The following PCDH7 variants were observed in gnomAD, a reference collection of about 807,000 sequenced individuals.
PCDH7 encodes protocadherin 7.
PCDH7 carries 17 observed loss-of-function variants against 58.9 expected under a neutral mutation model. The ratio of observed to expected loss-of-function variants is 0.29; its 90% CI spans 0.20 to 0.43. PCDH7 has a LOEUF of 0.43. Among genes scored for constraint, PCDH7 ranks in the 20% least tolerant of loss-of-function variants. The pLI, the probability that PCDH7 is intolerant of heterozygous loss-of-function variation, is 1.00. For synonymous variants in PCDH7, 664 were observed against 616.4 expected, an observed-to-expected ratio of 1.08 and a Z score of -1.14; for missense variants, 1,274 against 1,441.0, an observed-to-expected ratio of 0.88 and a Z score of 1.88.
At chr4:31,136,750 A>T (rs1029359282) in intron 3 of PCDH7, among the ~76,000 whole-genome samples, 1 of 152,130 alleles carries the variant, frequency 6.6e-6, no homozygotes, top group Non-Finnish European at 1.5e-5. Flanking sequence ...GTCTTCCTAA[A>T]TTCCCCAAAC....
chr4:30,955,304 T>C (rs1272239301), intron 3 of PCDH7, among the ~76,000 whole-genome samples: 1 of 151,830 alleles, frequency 6.6e-6, no homozygotes, highest in Non-Finnish European at 1.5e-5. Context: ...TAGCAGCAGA[T>C]TGAAAGCCAA....
At chr4:31,074,906 A>G (rs1295696364) in intron 3 of PCDH7, among the ~76,000 whole-genome samples, 1 of 151,858 alleles carries the variant, frequency 6.6e-6, no homozygotes, top group African/African-American at 2.4e-5. Context: ...ATTAATAGGA[A>G]TTAGGAGGAA....
chr4:30,880,285 G>GA (rs71651563), intron 1 of PCDH7, among the ~76,000 whole-genome samples: 2,715 of 119,870 alleles, frequency 0.023, 57 homozygotes, highest in African/African-American at 0.07. Flanking sequence ...AGCTACAAAA[G>GA]AAAAAAAAAA....
At chr4:30,896,226 A>C (rs1268591199) in intron 1 of PCDH7, among the ~76,000 whole-genome samples, 2 of 152,222 alleles carry the variant, frequency 1.3e-5, no homozygotes, top group East Asian at 3.9e-4. Flanking sequence ...TTTATAATTT[A>C]GTTACATAGA....
chr4:30,971,096 T>TA (rs760638567), intron 3 of PCDH7, among the ~76,000 whole-genome samples: 1 of 152,182 alleles, frequency 6.6e-6, no homozygotes, highest in Non-Finnish European at 1.5e-5. Flanking sequence ...TTCAAAAGAA[T>TA]TTCCTTGCCA....
intron 3 of PCDH7, among the ~76,000 whole-genome samples, chr4:31,038,426 G>A (rs1384930609): frequency 6.6e-6 from 1 of 151,884 alleles, no homozygotes; most frequent in Non-Finnish European, 1.5e-5. Context: ...TCCTTAGAAG[G>A]GTAAACTTAA....
chr4:31,110,361 A>G (rs1450957762), intron 3 of PCDH7, among the ~76,000 whole-genome samples: 4 of 152,206 alleles, frequency 2.6e-5, no homozygotes, highest in Non-Finnish European at 5.9e-5. Flanking sequence ...CAAGTTTTAA[A>G]TTGTGTTCAT....
chr4:30,832,766 A>C (rs898959126), intron 1 of PCDH7, among the ~76,000 whole-genome samples: 4 of 152,192 alleles, frequency 2.6e-5, no homozygotes, highest in Non-Finnish European at 4.4e-5. Flanking sequence ...GCAGATATGA[A>C]TGAGGACACA....
chr4:30,939,482 A>G (rs1745765429), intron 2 of PCDH7, among the ~76,000 whole-genome samples: 1 of 152,166 alleles, frequency 6.6e-6, no homozygotes, highest in African/African-American at 2.4e-5. Context: ...AGACTCCAGC[A>G]TAGTTACTTT....
At chr4:30,835,972 C>G (rs1227644452) in intron 1 of PCDH7, among the ~76,000 whole-genome samples, 1 of 152,120 alleles carries the variant, frequency 6.6e-6, no homozygotes, top group South Asian at 2.1e-4. Flanking sequence ...ATTTTAATCC[C>G]TACTTTACTA....
Position 30,926,224 on chromosome 4 carries a change from AC to A in PCDH7, c.287+5858del, listed in dbSNP as rs1743852551. Among the ~76,000 whole-genome samples the A allele has an allele frequency of 2.0e-5, 3 of 150,672 alleles. No individual in the cohort carries two copies. The South Asian group carries it at 6.4e-4, about 32-fold the overall frequency. On this transcript the variant is annotated intron_variant, in intron 2 of 3. Transcript: ENST00000509759. Reference sequence around the variant, plus strand: ...TTTTGAGATGGAGTCTCACTCTGCCACCCAGGCTGGAGTGCAGTGGCACAAT... The same window carrying A: ...TTTTGAGATGGAGTCTCACTCTGCCACCAGGCTGGAGTGCAGTGGCACAAT...
intron 3 of PCDH7, among the ~76,000 whole-genome samples, chr4:30,989,042 A>G (rs1751229940): frequency 1.3e-5 from 2 of 152,202 alleles, no homozygotes; most frequent in Admixed American, 1.3e-4. Flanking sequence ...TATTTGTTGT[A>G]GATGATTTAG....
At chr4:30,953,300 C>T (rs1747542222) in intron 3 of PCDH7, among the ~76,000 whole-genome samples, 2 of 152,046 alleles carry the variant, frequency 1.3e-5, no homozygotes, top group Non-Finnish European at 2.9e-5. Flanking sequence ...GAAAGTATTT[C>T]TAGACTTAAA....
intron 2 of PCDH7, among the ~76,000 whole-genome samples, chr4:30,949,259 A>AT (rs1190163348): frequency 1.3e-5 from 2 of 152,150 alleles, no homozygotes; most frequent in East Asian, 1.9e-4. Flanking sequence ...TAAGAGAAAC[A>AT]TTTTTTATAT....
intron 3 of PCDH7, among the ~76,000 whole-genome samples, chr4:30,966,294 T>G (rs906721757): frequency 1.3e-5 from 2 of 152,202 alleles, no homozygotes; most frequent in Non-Finnish European, 2.9e-5. Flanking sequence ...TCACACATGC[T>G]TAAATGTCTC....
intron 1 of PCDH7, among the ~76,000 whole-genome samples, chr4:30,874,829 G>C (rs1044397205): frequency 7.9e-5 from 12 of 151,494 alleles, no homozygotes; most frequent in African/African-American, 2.9e-4. Context: ...AACTACCTCT[G>C]TCTCATTAAA....
chr4:31,021,187 A>T (rs747975349), intron 3 of PCDH7, among the ~76,000 whole-genome samples: 2 of 152,194 alleles, frequency 1.3e-5, no homozygotes, highest in Non-Finnish European at 2.9e-5. Flanking sequence ...AAGGGTCTCC[A>T]ATGGCACTAG....
At chr4:30,837,113 T>C (rs992051241) in intron 1 of PCDH7, among the ~76,000 whole-genome samples, 2 of 152,104 alleles carry the variant, frequency 1.3e-5, no homozygotes, top group Admixed American at 6.6e-5. Flanking sequence ...TTTAATTTTT[T>C]TTTTACATTG....
chr4:30,859,525 C>T (rs1052080888), intron 1 of PCDH7, among the ~76,000 whole-genome samples: 2 of 151,750 alleles, frequency 1.3e-5, no homozygotes, highest in East Asian at 3.9e-4. Flanking sequence ...CTGCAACCTC[C>T]ACCTCCAAGA....
Sources: gnomAD v4.1 joint callset for allele counts (sites outside exome capture counted in the v4.1 genomes callset) on GRCh38, gnomAD v4.1.1 for gene constraint, MANE v1.5 for transcripts, NCBI Gene and HGNC (gene_info 2026-07-23, HGNC 2026-07-21) for gene names.